The following CCDC18 variants were observed in gnomAD, a reference collection of about 807,000 sequenced individuals.
CCDC18 encodes the protein coiled-coil domain-containing protein 18.
Under a neutral mutation model 196.0 loss-of-function variants are expected in CCDC18, and 157 were observed. That is an observed-to-expected ratio of 0.80 (90% CI 0.70 to 0.91). The LOEUF (loss-of-function observed/expected upper bound fraction) is 0.91. Among genes scored for constraint, CCDC18 ranks in the 40% least tolerant of loss-of-function variants. The pLI, the probability that CCDC18 is intolerant of heterozygous loss-of-function variation, is 0.00. For synonymous variants in CCDC18, 482 were observed against 529.2 expected (o/e 0.91, Z 1.22); for missense variants, 1,465 against 1,611.6 (o/e 0.91, Z 1.56).
chr1:93,244,526 A>G (rs1235139481), intron 21 of CCDC18, among the ~76,000 whole-genome samples: 1 of 152,212 alleles, frequency 6.6e-6, no homozygotes, highest in Non-Finnish European at 1.5e-5. Flanking sequence ...TCATAGAGAA[A>G]GAAAGATTAG....
At chr1:93,211,275 TAAAA>T (rs10538532) in intron 10 of CCDC18, among the ~76,000 whole-genome samples, 22 of 140,116 alleles carry the variant, frequency 1.6e-4, no homozygotes, top group Admixed American at 2.1e-4. Flanking sequence ...GAGACTCCAT[TAAAA>T]AAAAAAAAAA....
At chr1:93,235,432 T>A (rs1659943014) in intron 18 of CCDC18, among the ~76,000 whole-genome samples, 1 of 152,188 alleles carries the variant, frequency 6.6e-6, no homozygotes, top group Non-Finnish European at 1.5e-5. Context: ...TTGGGAAATG[T>A]CCATTGGAAT....
chr1:93,272,310 G>A (rs909192782), intron 28 of CCDC18, among the ~76,000 whole-genome samples: 1 of 152,142 alleles, frequency 6.6e-6, no homozygotes, highest in Non-Finnish European at 1.5e-5. Flanking sequence ...AGTAGATGCT[G>A]AATGAATATT....
intron 4 of CCDC18, among the ~76,000 whole-genome samples, chr1:93,188,294 T>C (rs1651073852): frequency 6.6e-6 from 1 of 152,226 alleles, no homozygotes; most frequent in Non-Finnish European, 1.5e-5. Context: ...GTACTTACTC[T>C]TCTGGAGCCT....
rs756945620 is a variant in CCDC18, at chr1:93,278,523, T to C, written c.*46T>C. On this transcript the variant is annotated 3_prime_UTR_variant, in exon 29 of 29. Transcript: ENST00000690025. ...GTTGAAAAAATGGAATTTTTGGTAC[T>C]GTGCTGTTTACTTATTATATGTAGC... The C allele has an allele frequency of 1.7e-6, 2 of 1,164,694 alleles. No individual in the cohort carries two copies. The highest frequency in any genetic ancestry group is 2.8e-5 in the East Asian group (1 of 36,102). 72.1% of individuals were successfully genotyped at this position (1,164,694 alleles called of 1,614,324 possible).
At chr1:93,256,858 C>T (rs184677219) in intron 25 of CCDC18, among the ~76,000 whole-genome samples, 20 of 152,104 alleles carry the variant, frequency 1.3e-4, no homozygotes, top group Admixed American at 2.6e-4. Context: ...TAAGTGAGTT[C>T]GAGCTCTTAC....
intron 21 of CCDC18, among the ~76,000 whole-genome samples, chr1:93,243,230 G>A (rs1386410021): frequency 6.6e-6 from 1 of 152,222 alleles, no homozygotes; most frequent in African/African-American, 2.4e-5. Context: ...AATCTAGGTG[G>A]AGGTTCCCAA....
chr1:93,273,403 G>C (rs1412517377), intron 28 of CCDC18: 1 of 152,144 alleles, frequency 6.6e-6, no homozygotes, highest in Non-Finnish European at 1.5e-5. Context: ...TAAGAAGCAG[G>C]GTTTTTAGTT....
intron 26 of CCDC18, 46 bp downstream of exon 26, chr1:93,258,931 T>C (rs1162538374): frequency 7.9e-6 from 12 of 1,519,938 alleles, no homozygotes; most frequent in Non-Finnish European, 1.1e-5. Context: ...CTAAAGTAGG[T>C]TGACCTATCT....
Position 93,198,611 on chromosome 1 carries a change from A to C in CCDC18, c.699-3281A>C, listed in dbSNP as rs1423918554. 2.6e-5 allele frequency among the ~76,000 whole-genome samples: 4 copies of C among 152,224 alleles called. No individual in the cohort carries two copies. In the East Asian group the frequency reaches 7.7e-4, roughly 29 times the overall value. ...AATAAAAAATTAAAATCAAATAAGA[A>C]AAACTATAAGAAAAAATCTACAGAA... On this transcript the variant is annotated intron_variant, in intron 6 of 28. Coordinates refer to ENST00000690025, the MANE Select transcript of CCDC18 (RefSeq NM_001378204.1).
chr1:93,242,109 C>T (rs966311343), intron 21 of CCDC18, among the ~76,000 whole-genome samples: 7 of 152,040 alleles, frequency 4.6e-5, no homozygotes, highest in Non-Finnish European at 1.0e-4. Context: ...CAAATGTTTA[C>T]AAAGTAAGCC....
intron 27 of CCDC18, among the ~76,000 whole-genome samples, chr1:93,269,357 A>G (rs1347614324): frequency 6.6e-6 from 1 of 151,834 alleles, no homozygotes; most frequent in African/African-American, 2.4e-5. Context: ...GCACACCAAC[A>G]TGGCACATGT....
chr1:93,194,904 T>G (rs538884253), intron 6 of CCDC18, among the ~76,000 whole-genome samples: 2 of 152,216 alleles, frequency 1.3e-5, no homozygotes, highest in Non-Finnish European at 2.9e-5. Flanking sequence ...GGAGTCTTAC[T>G]CTGTCTCGCA....
intron 11 of CCDC18, 43 bp from the exon 12 acceptor site, chr1:93,214,700 C>T (rs928403761): frequency 1.3e-5 from 18 of 1,381,858 alleles, no homozygotes; most frequent in Admixed American, 3.8e-5. Context: ...GGTTTTTATT[C>T]TTGAAGTCCT....
intron 28 of CCDC18, among the ~76,000 whole-genome samples, chr1:93,275,883 T>TATG (rs1427061500): frequency 1.3e-5 from 2 of 152,238 alleles, no homozygotes; most frequent in Non-Finnish European, 2.9e-5. Flanking sequence ...TTTTCTTTGG[T>TATG]ATGATGAGTG....
At chr1:93,220,647 G>A (rs552009501) in intron 14 of CCDC18, among the ~76,000 whole-genome samples, 35 of 152,160 alleles carry the variant, frequency 2.3e-4, no homozygotes, top group South Asian at 1.2e-3. Flanking sequence ...TTAAGTTCAG[G>A]GGTACACGTA....
chr1:93,183,491 T>A lies in CCDC18; in HGVS notation c.130T>A (p.Ser44Thr). 6.3e-7 allele frequency: 1 copy of A among 1,586,048 alleles called. No homozygotes were observed. The highest frequency in any genetic ancestry group is 8.6e-7 in the Non-Finnish European group (1 of 1,167,356). ...TTTGCAGAGTTTAGGGGAAGAGTTA[T>A]CCAGGTAAGTAAGTAAAATCACATA... Reference protein sequence around the residue: ...WSLQSLGEELSSVSPSENSDY... With the variant: ...WSLQSLGEELTSVSPSENSDY... The change falls in exon 2 of 29, where the codon TCC becomes ACC. Residue 44 changes from serine (S) to threonine (T), a missense_variant. By Grantham distance (58) the Ser-to-Thr change is moderately conservative. Coordinates refer to ENST00000690025, the MANE Select transcript of CCDC18 (RefSeq NM_001378204.1).
intron 27 of CCDC18, among the ~76,000 whole-genome samples, chr1:93,267,527 G>C (rs1022261188): frequency 6.6e-6 from 1 of 152,186 alleles, no homozygotes; most frequent in African/African-American, 2.4e-5. Context: ...TGACATGATT[G>C]TATATTTAGA....
In CCDC18 at chr1:93,186,474, C is replaced by A. The variant is rs1384785300; in HGVS notation, c.433C>A (p.His145Asn). ...CTTAATGACTAAATTTGAATCTATT[C>A]ACTTTGAATTAACACAGTCAAGAGC... The part of the protein sequence containing the change: ...HSLMTKFESI[H>N]FELTQSRAKV... Residue 145 changes from histidine to asparagine, a missense_variant, in exon 4 of 29, where the codon CAC (histidine) becomes AAC (asparagine). Physicochemically the swap from His to Asn is moderately conservative, Grantham distance 68 (BLOSUM62 1). Coordinates refer to ENST00000690025, the MANE Select transcript of CCDC18 (RefSeq NM_001378204.1). 11 of 1,609,816 alleles carry A rather than the reference C, an allele frequency of 6.8e-6. No homozygotes were observed. Among genetic ancestry groups the A allele is most frequent in the Non-Finnish European group, 8.5e-6 (10 of 1,177,864 alleles).
Sources: allele counts gnomAD v4.1 joint callset (sites outside exome capture counted in the v4.1 genomes callset), GRCh38; gene constraint gnomAD v4.1.1; transcripts MANE v1.5; gene names NCBI Gene and HGNC (gene_info 2026-07-23, HGNC 2026-07-21).